The following FHOD3 variants were observed in gnomAD, a reference collection of about 807,000 sequenced individuals.
FHOD3 encodes the protein FH1/FH2 domain-containing protein 3.
FHOD3 carries 90 observed loss-of-function variants against 173.0 expected under a neutral mutation model. The observed-to-expected ratio is 0.52, with a 90% CI of 0.44 to 0.62. FHOD3 has a LOEUF of 0.62. Ranked by LOEUF, FHOD3 falls within the 20% of genes least tolerant of loss-of-function variation. FHOD3 has a pLI of 0.00. For missense variants in FHOD3, 1,945 were observed against 2,034.7 expected (o/e 0.96, Z 0.85); for synonymous variants, 828 against 823.0 (o/e 1.01, Z -0.10).
At chr18:36,465,287 A>C (rs1326720500) in intron 3 of FHOD3, among the ~76,000 whole-genome samples, 1 of 152,186 alleles carries the variant, frequency 6.6e-6, no homozygotes, top group Non-Finnish European at 1.5e-5. Flanking sequence ...GAGATCATGC[A>C]ATTGCACTCC....
At chr18:36,348,689 TC>T (rs1476424125) in intron 1 of FHOD3, among the ~76,000 whole-genome samples, 1 of 152,112 alleles carries the variant, frequency 6.6e-6, no homozygotes, top group Non-Finnish European at 1.5e-5. Flanking sequence ...CTGTTTGGGC[TC>T]CCCTTCCTTG....
chr18:36,326,841 A>C (rs764155536), intron 1 of FHOD3, among the ~76,000 whole-genome samples: 1 of 152,172 alleles, frequency 6.6e-6, no homozygotes, highest in Non-Finnish European at 1.5e-5. Context: ...TTTGTGAAAA[A>C]GTCCAAAGAA....
rs67473480 is a variant in FHOD3, at chr18:36,600,252, AACACAC to A, written c.719-2390_719-2385del. 5.5e-3 allele frequency among the ~76,000 whole-genome samples: 790 copies of A among 143,158 alleles called. 4 individuals are homozygous for A. Among genetic ancestry groups the A allele is most frequent in the African/African-American group, 0.016 (612 of 38,448 alleles). 93.9% of individuals were successfully genotyped at this position (143,158 alleles called of 152,430 possible). A position where few individuals can be genotyped will look rare whatever the true frequency, so the allele number is the denominator to read the frequency against. On this transcript the variant is annotated intron_variant, in intron 7 of 28. Transcript: ENST00000590592. ...CCAGTACAGGAACCCTCTCCTCTGCAACACACACACACACACACACACACACACACA... is the reference window on the plus strand; with the variant it reads ...CCAGTACAGGAACCCTCTCCTCTGCAACACACACACACACACACACACACA...
intron 10 of FHOD3, among the ~76,000 whole-genome samples, chr18:36,630,743 C>T (rs2034454375): frequency 6.6e-6 from 1 of 152,190 alleles, no homozygotes; most frequent in East Asian, 1.9e-4. Context: ...CAACTCTCCT[C>T]TTGGCTGCCG....
chr18:36,748,379 CACA>C (rs1237583474), intron 24 of FHOD3, among the ~76,000 whole-genome samples: 149 of 125,140 alleles, frequency 1.2e-3, no homozygotes, highest in Non-Finnish European at 1.7e-3. Context: ...CACACACACA[CACA>C]ACACACACAC....
At chr18:36,496,369 C>T (rs1568348359) in intron 3 of FHOD3, among the ~76,000 whole-genome samples, 1 of 152,130 alleles carries the variant, frequency 6.6e-6, no homozygotes, top group Non-Finnish European at 1.5e-5. Context: ...AGAAATTGTA[C>T]CTCATGTAAA....
At chr18:36,777,038 T>G (rs1056324550) in intron 28 of FHOD3, among the ~76,000 whole-genome samples, 11 of 152,290 alleles carry the variant, frequency 7.2e-5, no homozygotes, top group African/African-American at 2.6e-4. Flanking sequence ...TTTAAATACC[T>G]TCATGGGTAA....
chr18:36,387,572 A>G (rs1817118668), intron 3 of FHOD3, among the ~76,000 whole-genome samples: 1 of 152,242 alleles, frequency 6.6e-6, no homozygotes, highest in Non-Finnish European at 1.5e-5. Flanking sequence ...CTGTAAAGGA[A>G]ATAGACACAT....
chr18:36,437,324 G>A (rs1483952439), intron 3 of FHOD3, among the ~76,000 whole-genome samples: 1 of 152,068 alleles, frequency 6.6e-6, no homozygotes, highest in African/African-American at 2.4e-5. Context: ...ACCATGCCTG[G>A]CCAAGTATTA....
At chr18:36,724,911 A>C (rs886383634) in intron 19 of FHOD3, among the ~76,000 whole-genome samples, 1 of 152,142 alleles carries the variant, frequency 6.6e-6, no homozygotes, top group African/African-American at 2.4e-5. Flanking sequence ...GAACCAAAAC[A>C]GAGCCTGGCT....
chr18:36,592,546 A>G (rs528576827), intron 6 of FHOD3, among the ~76,000 whole-genome samples: 4 of 152,352 alleles, frequency 2.6e-5, no homozygotes, highest in African/African-American at 9.6e-5. Flanking sequence ...GACAGGCAGC[A>G]CCCTGAGCAT....
rs1299891406 is a variant in FHOD3, at chr18:36,565,128, CT to C, written c.512-11322del. ...ACAATTAAGTGGAAAAGAATAATAA[CT>C]AGACTCCAAGGTCTTCATTTAGTTC... On this transcript the variant is annotated intron_variant, in intron 5 of 28. Transcript: ENST00000590592. 3.3e-5 allele frequency among the ~76,000 whole-genome samples: 5 copies of C among 152,180 alleles called. No homozygotes were observed. In the East Asian group the frequency reaches 9.6e-4, roughly 29 times the overall value.
chr18:36,716,914 ATGTGTGTGTGTG>A (rs57041859), intron 18 of FHOD3, among the ~76,000 whole-genome samples: 39 of 136,912 alleles, frequency 2.8e-4, no homozygotes, highest in Admixed American at 4.4e-4. Flanking sequence ...ATATATGTGT[ATGTGTGTGTGTG>A]TGTGTGTGTG....
At chr18:36,319,838 C>T (rs2044305303) in intron 1 of FHOD3, among the ~76,000 whole-genome samples, 1 of 152,184 alleles carries the variant, frequency 6.6e-6, no homozygotes, top group Admixed American at 6.5e-5. Context: ...GAAACTCACT[C>T]AAACCCACAC....
intron 1 of FHOD3, among the ~76,000 whole-genome samples, chr18:36,305,957 TG>T (rs2092084260): frequency 6.6e-6 from 1 of 152,216 alleles, no homozygotes; most frequent in South Asian, 2.1e-4. Flanking sequence ...GTGGTGACAT[TG>T]GGGTTGAGAC....
intron 3 of FHOD3, among the ~76,000 whole-genome samples, chr18:36,455,201 A>G (rs1213460591): frequency 6.6e-6 from 1 of 152,222 alleles, no homozygotes. Flanking sequence ...ATATACTTAC[A>G]GTAATTACTC....
rs1193859645 is a variant in FHOD3, at chr18:36,742,818, A to T, written c.3841A>T (p.Thr1281Ser). The stretch of plus-strand genomic sequence containing the variant: ...TAAAACCTTGGGCTTTATCCTGTCT[A>T]CTCTCTTAGCCATTGGGAACTTTCT... ...NNKTLGFILS[T>S]LLAIGNFLNG... is the part of the protein sequence containing the mutation. The change falls in exon 22 of 29, where the codon ACT (threonine) becomes TCT (serine). Residue 1281 changes from threonine to serine, a missense_variant. Physicochemically the swap from Thr to Ser is moderately conservative, Grantham distance 58. Transcript: ENST00000590592. 1.5e-5 allele frequency: 25 copies of T among 1,613,762 alleles called. No individual in the cohort carries two copies. Among genetic ancestry groups the T allele is most frequent in the Non-Finnish European group, 1.9e-5 (22 of 1,179,946 alleles).
intron 16 of FHOD3, among the ~76,000 whole-genome samples, chr18:36,692,305 A>G (rs1337210738): frequency 3.9e-5 from 6 of 152,260 alleles, no homozygotes; most frequent in Non-Finnish European, 8.8e-5. Context: ...GGATAGATGC[A>G]AAGTGAGCGT....
At chr18:36,672,672 G>A (rs1468055080) in intron 14 of FHOD3, among the ~76,000 whole-genome samples, 1 of 152,224 alleles carries the variant, frequency 6.6e-6, no homozygotes, top group African/African-American at 2.4e-5. Flanking sequence ...TGAAGGGGAT[G>A]GAGAGAGACT....
Sources: gnomAD v4.1 joint callset for allele counts (sites outside exome capture counted in the v4.1 genomes callset) on GRCh38, gnomAD v4.1.1 for gene constraint, MANE v1.5 for transcripts, NCBI Gene and HGNC (gene_info 2026-07-23, HGNC 2026-07-21) for gene names.